TTC29: variants seen among roughly 807,000 people sequenced by gnomAD.
The protein encoded by TTC29 is tetratricopeptide repeat protein 29.
A neutral mutation model predicts 58.1 loss-of-function variants in TTC29; 49 were observed. The observed-to-expected ratio is 0.84, with a 90% confidence interval of 0.67 to 1.07. The LOEUF is 1.07. Ranked by LOEUF, TTC29 falls within the 50% of genes least tolerant of loss-of-function variation. The probability of loss-of-function intolerance (pLI) is 0.00; values close to 1 mark genes in which losing one functional copy is unlikely to be tolerated. For synonymous variants in TTC29, 209 were observed against 196.8 expected (o/e 1.06, Z -0.52); for missense variants, 582 against 555.6 (o/e 1.05, Z -0.48).
chr4:146,824,742 T>G (rs931653031), intron 9 of TTC29, among the ~76,000 whole-genome samples: 1 of 152,188 alleles, frequency 6.6e-6, no homozygotes, highest in Non-Finnish European at 1.5e-5. Context: ...TGGGCTTTTT[T>G]GGTTGTTAGG....
intron 4 of TTC29, among the ~76,000 whole-genome samples, chr4:146,916,049 T>C (rs956011683): frequency 6.6e-6 from 1 of 151,922 alleles, no homozygotes; most frequent in East Asian, 1.9e-4. Context: ...TAAATGTTAC[T>C]GGAATCACCT....
rs368742211 is a variant in TTC29 at position 146,939,871 on chromosome 4, T to C, written c.25A>G (p.Met9Val). Residue 9 changes from methionine to valine, a missense_variant, in exon 3 of 13, where the codon ATG (methionine) becomes GTG (valine). Met to Val is a conservative substitution (Grantham distance 21). Coordinates refer to ENST00000325106, the MANE Select transcript of TTC29 (RefSeq NM_031956.4). MTTLPPLP[M>V]TRPKLTALAR... The stretch of plus-strand genomic sequence containing the variant: ...AAGGCTGTAAGCTTCGGGCGTGTCA[T>C]GGGCAGTGGGGGCAGGGTGGTCATT... 1.2e-6 allele frequency: 2 copies of C among 1,613,204 alleles called. No homozygotes were observed. The highest frequency in any genetic ancestry group is 1.7e-6 in the Non-Finnish European group (2 of 1,179,692).
Position 146,754,985 on chromosome 4 carries a change from C to T in TTC29, c.1331-47434G>A, listed in dbSNP as rs528592971. Among the ~76,000 whole-genome samples, 74 of 151,900 alleles carry T rather than the reference C, an allele frequency of 4.9e-4. 1 individual carries two copies. The highest frequency in any genetic ancestry group is 6.8e-4 in the Non-Finnish European group (46 of 67,930). Reference sequence around the variant, plus strand: ...GATCTCTGTTTGCAGATGACATGATCCTGTATGTGAAAAACCCACAAAAGA... The same window carrying T: ...GATCTCTGTTTGCAGATGACATGATTCTGTATGTGAAAAACCCACAAAAGA... On this transcript the variant is annotated intron_variant, in intron 11 of 12. Transcript: ENST00000325106.
intron 11 of TTC29, among the ~76,000 whole-genome samples, chr4:146,756,748 T>C (rs1260358537): frequency 2.6e-5 from 4 of 151,902 alleles, no homozygotes; most frequent in Non-Finnish European, 5.9e-5. Flanking sequence ...TTTTTTGTCT[T>C]TGTTGGGTTG....
At chr4:146,841,470 A>G (rs974709417) in intron 8 of TTC29, among the ~76,000 whole-genome samples, 1 of 152,144 alleles carries the variant, frequency 6.6e-6, no homozygotes, top group Non-Finnish European at 1.5e-5. Context: ...ACAAGCAAAA[A>G]AAACACCATA....
chr4:146,761,138 G>A (rs1043860832), intron 11 of TTC29, among the ~76,000 whole-genome samples: 7 of 151,640 alleles, frequency 4.6e-5, no homozygotes, highest in Non-Finnish European at 1.0e-4. Context: ...TACAAATATG[G>A]TGCAGTGTTA....
At chr4:146,751,880 G>A (rs1446211140) in intron 11 of TTC29, among the ~76,000 whole-genome samples, 1 of 151,950 alleles carries the variant, frequency 6.6e-6, no homozygotes, top group Non-Finnish European at 1.5e-5. Context: ...ATCATAAAAT[G>A]AATCAATGAA....
chr4:146,884,640 T>C (rs1399217334), intron 6 of TTC29, among the ~76,000 whole-genome samples: 1 of 152,068 alleles, frequency 6.6e-6, no homozygotes, highest in African/African-American at 2.4e-5. Flanking sequence ...AATGAACAAG[T>C]AGGATTTATT....
chr4:146,752,470 T>C (rs1218201138), intron 11 of TTC29, among the ~76,000 whole-genome samples: 1 of 151,658 alleles, frequency 6.6e-6, no homozygotes, highest in Non-Finnish European at 1.5e-5. Flanking sequence ...AAAATGGCCA[T>C]ACTGCCCCAG....
chr4:146,770,744 G>A (rs1579634141), intron 11 of TTC29, among the ~76,000 whole-genome samples: 1 of 151,892 alleles, frequency 6.6e-6, no homozygotes, highest in East Asian at 1.9e-4. Flanking sequence ...ATATCTCTAA[G>A]CTTCAGTTTT....
At chr4:146,872,438 G>A (rs67398478) in intron 7 of TTC29, among the ~76,000 whole-genome samples, 8,157 of 151,932 alleles carry the variant, frequency 0.054, 343 homozygotes, top group East Asian at 0.13. Flanking sequence ...ATACCATCAG[G>A]AAGTGAAAAT....
At chr4:146,825,042 C>A (rs1439009437) in intron 9 of TTC29, among the ~76,000 whole-genome samples, 1 of 152,006 alleles carries the variant, frequency 6.6e-6, no homozygotes, top group African/African-American at 2.4e-5. Flanking sequence ...TTAATTTTTT[C>A]ATAAAACCAG....
chr4:146,742,940 G>A (rs1745271005), intron 11 of TTC29, among the ~76,000 whole-genome samples: 1 of 151,858 alleles, frequency 6.6e-6, no homozygotes, highest in African/African-American at 2.4e-5. Context: ...ACAAACTAAG[G>A]CAACAGAAAA....
chr4:146,890,092 T>C (rs988776637), intron 6 of TTC29, among the ~76,000 whole-genome samples: 1 of 152,148 alleles, frequency 6.6e-6, no homozygotes, highest in Non-Finnish European at 1.5e-5. Context: ...GAATATTATA[T>C]TAGTTTCCTG....
chr4:146,786,588 C>T (rs1304813088), intron 11 of TTC29, among the ~76,000 whole-genome samples: 1 of 152,068 alleles, frequency 6.6e-6, no homozygotes, highest in African/African-American at 2.4e-5. Flanking sequence ...CTTTAGGCTC[C>T]GAAATCGTAA....
rs180945684 is a variant in TTC29, at chr4:146,940,675, G to A, written c.-6-774C>T. Among the ~76,000 whole-genome samples, 340 of 152,304 alleles carry A rather than the reference G, an allele frequency of 2.2e-3. 1 individual carries two copies. The highest frequency in any genetic ancestry group is 3.3e-3 in the Non-Finnish European group (223 of 68,024). ...TCTAGTGGTTGATGCTGTTAGCTGGGACTCAACTGGGGCTATCTGCCAGAA... is the reference window on the plus strand; with the variant it reads ...TCTAGTGGTTGATGCTGTTAGCTGGAACTCAACTGGGGCTATCTGCCAGAA... On this transcript the variant is annotated intron_variant, in intron 2 of 12. Transcript: ENST00000325106.
At chr4:146,867,754 A>G (rs1730661785) in intron 7 of TTC29, among the ~76,000 whole-genome samples, 171 bp from the exon 8 acceptor site, 1 of 152,124 alleles carries the variant, frequency 6.6e-6, no homozygotes, top group African/African-American at 2.4e-5. Flanking sequence ...TGTAAACACA[A>G]TTTACCTGGA....
chr4:146,853,183 T>C (rs1276070695), intron 8 of TTC29, among the ~76,000 whole-genome samples: 2 of 152,144 alleles, frequency 1.3e-5, no homozygotes, highest in Non-Finnish European at 2.9e-5. Context: ...CAATATACGT[T>C]AATTGTAGAA....
At chr4:146,848,206 T>C (rs899742939) in intron 8 of TTC29, among the ~76,000 whole-genome samples, 5 of 152,228 alleles carry the variant, frequency 3.3e-5, no homozygotes, top group Non-Finnish European at 7.3e-5. Flanking sequence ...CATTATACTT[T>C]CTTCACCTCA....
Sources: allele counts gnomAD v4.1 joint callset (sites outside exome capture counted in the v4.1 genomes callset), GRCh38; gene constraint gnomAD v4.1.1; transcripts MANE v1.5; gene names NCBI Gene and HGNC (gene_info 2026-07-23, HGNC 2026-07-21).